Variants in ELOA2 observed in about 807,000 individuals in gnomAD.
The protein encoded by ELOA2 is elongin-A2.
For missense variants in ELOA2, 1,271 were observed against 979.7 expected, an observed-to-expected ratio of 1.30 and a Z score of -3.97; for synonymous variants, 497 against 398.8, an observed-to-expected ratio of 1.25 and a Z score of -2.94.
chr18:47,034,270 A>G lies in ELOA2; in HGVS notation c.995T>C (p.Leu332Pro). 1 of 1,613,960 alleles carries G rather than the reference A, an allele frequency of 6.2e-7. No homozygotes were observed. Among genetic ancestry groups the G allele is most frequent in the Admixed American group, 1.7e-5 (1 of 60,030 alleles). The change falls in exon 1 of 1, where the codon CTG (leucine) becomes CCG (proline). Residue 332 changes from leucine to proline, a missense_variant. Physicochemically the swap from Leu to Pro is moderately conservative, Grantham distance 98. Coordinates refer to ENST00000332567, the MANE Select transcript of ELOA2 (RefSeq NM_016427.3). ...GRDPGNGTHGLSPEEKEQLSN... is the reference protein window; with the variant it reads ...GRDPGNGTHGPSPEEKEQLSN... ...AAGCTGCTCTTTCTCCTCGGGCGAC[A>G]GGCCGTGTGTCCCATTTCCTGGGTC...
At position 47,034,649 on chromosome 18, in the gene ELOA2, G is replaced by A; in HGVS notation, c.616C>T (p.Leu206=). ...GHTHAAQGGP[L]LCPGCQGQPQ... ...TGGCCCTGGCAGCCTGGACACAGCA[G>A]AGGCCCGCCCTGAGCCGCGTGAGTG... The change falls in exon 1 of 1, where the codon CTG becomes TTG. Residue 206 remains leucine (L), a synonymous_variant. Coordinates refer to ENST00000332567, the MANE Select transcript of ELOA2 (RefSeq NM_016427.3). 6.2e-7 allele frequency: 1 copy of A among 1,613,914 alleles called. No homozygotes were observed. Among genetic ancestry groups the A allele is most frequent in the Non-Finnish European group, 8.5e-7 (1 of 1,179,964 alleles).
In ELOA2 at chr18:47,034,508, A is replaced by G. The variant is rs2060660551; in HGVS notation, c.757T>C (p.Ser253Pro). Reference sequence around the variant, plus strand: ...TCCTCTCTTAAGCAGGCCCCGCATGATTTCTCCCTGATCAAAGTAGGGGAG... The same window carrying G: ...TCCTCTCTTAAGCAGGCCCCGCATGGTTTCTCCCTGATCAAAGTAGGGGAG... ...WHSPTLIREK[S>P]CGACLREETP... The change falls in exon 1 of 1, where the codon TCA (serine) becomes CCA (proline). Residue 253 changes from serine (S) to proline (P), a missense_variant. By Grantham distance (74) the Ser-to-Pro change is moderately conservative (BLOSUM62 -1). Coordinates refer to ENST00000332567, the MANE Select transcript of ELOA2 (RefSeq NM_016427.3). 6 of 1,614,132 alleles carry G rather than the reference A, an allele frequency of 3.7e-6. No homozygotes were observed. Among genetic ancestry groups the G allele is most frequent in the Non-Finnish European group, 4.2e-6 (5 of 1,180,010 alleles).
In ELOA2 at chr18:47,034,657, C is replaced by T. The variant is rs750882006; in HGVS notation, c.608G>A (p.Gly203Asp). ...GCAGCCTGGACACAGCAGAGGCCCG[C>T]CCTGAGCCGCGTGAGTGTGGCCTCT... ...PGRGHTHAAQ[G>D]GPLLCPGCQG... The change falls in exon 1 of 1, where the codon GGC (glycine) becomes GAC (aspartate). Residue 203 changes from glycine to aspartate, a missense_variant. Coordinates refer to ENST00000332567, the MANE Select transcript of ELOA2 (RefSeq NM_016427.3). The T allele has an allele frequency of 1.9e-5, 30 of 1,613,626 alleles. No individual in the cohort carries two copies. The highest frequency in any genetic ancestry group is 1.7e-4 in the Middle Eastern group (1 of 5,892).
At position 47,032,673 on chromosome 18, in the gene ELOA2, A is replaced by AT; in HGVS notation, c.*329_*330insA. 5.1e-6 allele frequency: 2 copies of AT among 390,240 alleles called. No individual in the cohort carries two copies. Among genetic ancestry groups the AT allele is most frequent in the Non-Finnish European group, 9.1e-6 (2 of 218,716 alleles). The allele number at this position is 390,240 out of a possible 1,614,324, so 24.2% of individuals were successfully genotyped here. Reference sequence around the variant, plus strand: ...TATCTACTTGATTTCGAAAAAAAAAAGAAAGGAAAAAGGAAATCTCACATC... The same window carrying AT: ...TATCTACTTGATTTCGAAAAAAAAAATGAAAGGAAAAAGGAAATCTCACATC... On this transcript the variant is annotated 3_prime_UTR_variant, in exon 1 of 1. Transcript: ENST00000332567.
Position 47,035,555 on chromosome 18 carries a change from G to A in ELOA2, c.-291C>T, listed in dbSNP as rs955112167. ...CTGTGCAACAAAGAATGAAGCTCTG[G>A]TGCCAGAGCTGGGCCTTATGTAGCC... On this transcript the variant is annotated 5_prime_UTR_variant, in exon 1 of 1. Transcript: ENST00000332567. 3 of 622,818 alleles carry A rather than the reference G, an allele frequency of 4.8e-6. No individual in the cohort carries two copies. The highest frequency in any genetic ancestry group is 2.0e-5 in the South Asian group (1 of 49,404). The allele number at this position is 622,818 out of a possible 1,614,324, so 38.6% of individuals were successfully genotyped here.
chr18:47,033,755 G>A lies in ELOA2; in HGVS notation c.1510C>T (p.Pro504Ser). 1 of 1,614,186 alleles carries A rather than the reference G, an allele frequency of 6.2e-7. No individual in the cohort carries two copies. Among genetic ancestry groups the A allele is most frequent in the Non-Finnish European group, 8.5e-7 (1 of 1,180,042 alleles). Residue 504 changes from proline (P) to serine (S), a missense_variant, in exon 1 of 1, where the codon CCT becomes TCT. Coordinates refer to ENST00000332567, the MANE Select transcript of ELOA2 (RefSeq NM_016427.3). ...SPKFREEAAF[P>S]GRRVNAKMPV... ...ATCTTAGCATTCACTCTGCGTCCAGGGAAAGCAGCTTCCTCCCGGAACTTT... is the reference window on the plus strand; with the variant it reads ...ATCTTAGCATTCACTCTGCGTCCAGAGAAAGCAGCTTCCTCCCGGAACTTT...
In ELOA2 at chr18:47,033,034, C is replaced by T. The variant is rs774453041; in HGVS notation, c.2231G>A (p.Arg744Gln). 8 of 1,614,140 alleles carry T rather than the reference C, an allele frequency of 5.0e-6. No individual in the cohort carries two copies. The highest frequency in any genetic ancestry group is 2.2e-5 in the East Asian group (1 of 44,880). Reference protein sequence around the residue: ...KVAPLMAKAIRDYKRRFSRR With the variant: ...KVAPLMAKAIQDYKRRFSRR ...TCGGGAGAATCTTCTCTTGTAGTCT[C>T]GAATTGCCTTGGCCATCAGCGGGGC... Residue 744 changes from arginine to glutamine, a missense_variant, in exon 1 of 1, where the codon CGA becomes CAA. Transcript: ENST00000332567.
At position 47,035,210 on chromosome 18, in the gene ELOA2, C is replaced by T. The variant is rs1461690709; in HGVS notation, c.55G>A (p.Ala19Thr). The change falls in exon 1 of 1, where the codon GCC (alanine) becomes ACC (threonine). Residue 19 changes from alanine (A) to threonine (T), a missense_variant. By Grantham distance (58) the Ala-to-Thr change is moderately conservative. Coordinates refer to ENST00000332567, the MANE Select transcript of ELOA2 (RefSeq NM_016427.3). ...AGCTTTTTCGGCTCCGTCTTAGTGG[C>T]CAGACGCACCTGCAGCTTCTCCACT... Reference protein sequence around the residue: ...HAVEKLQVRLATKTEPKKLEK... With the variant: ...HAVEKLQVRLTTKTEPKKLEK... 1 of 1,612,604 alleles carries T rather than the reference C, an allele frequency of 6.2e-7. No homozygotes were observed. The highest frequency in any genetic ancestry group is 1.3e-5 in the African/African-American group (1 of 74,882).
Position 47,034,362 on chromosome 18 carries a change from T to A in ELOA2, c.903A>T (p.Pro301=). ...GQRVPALEEA[P]DSHQKRPQHS... The stretch of plus-strand genomic sequence containing the variant: ...GCTGAGGCCTCTTCTGGTGACTGTC[T>A]GGAGCCTCCTCCAAGGCAGGGACAC... The change falls in exon 1 of 1, where the codon CCA becomes CCT. Residue 301 remains proline, a synonymous_variant. Transcript: ENST00000332567. 1 of 1,614,006 alleles carries A rather than the reference T, an allele frequency of 6.2e-7. No homozygotes were observed. Among genetic ancestry groups the A allele is most frequent in the Non-Finnish European group, 8.5e-7 (1 of 1,179,998 alleles).
At position 47,033,139 on chromosome 18, in the gene ELOA2, C is replaced by T. The variant is rs759800111; in HGVS notation, c.2126G>A (p.Arg709Gln). The change falls in exon 1 of 1, where the codon CGG becomes CAG. Residue 709 changes from arginine to glutamine, a missense_variant. Transcript: ENST00000332567. ...GCTGCTGCTCAGGCAGGGGTTGGCC[C>T]GCTTCTCAGGGAGCCAGCGAAGGAT... is the stretch of plus-strand genomic sequence containing the variant. ...SSILRWLPEK[R>Q]ANPCLSSSNE... The T allele has an allele frequency of 7.4e-6, 12 of 1,613,938 alleles. No homozygotes were observed. The highest frequency in any genetic ancestry group is 4.0e-5 in the African/African-American group (3 of 74,878).
Position 47,033,805 on chromosome 18 carries a change from G to A in ELOA2, c.1460C>T (p.Ala487Val). The stretch of plus-strand genomic sequence containing the variant: ...TGGTGAAGAGAGTGCTTCTGGCTTT[G>A]CCTGGGAGGTCATGGAGTCAGAATC... ...LSDSDSMTSQ[A>V]KPEALSSPKF... is the part of the protein sequence containing the mutation. Residue 487 changes from alanine to valine, a missense_variant, in exon 1 of 1, where the codon GCA (alanine) becomes GTA (valine). By Grantham distance (64) the Ala-to-Val change is moderately conservative (BLOSUM62 0). Transcript: ENST00000332567. The A allele has an allele frequency of 1.2e-6, 2 of 1,614,188 alleles. No individual in the cohort carries two copies. Among genetic ancestry groups the A allele is most frequent in the South Asian group, 2.2e-5 (2 of 91,080 alleles).
At position 47,033,636 on chromosome 18, in the gene ELOA2, G is replaced by T; in HGVS notation, c.1629C>A (p.Ala543=). ...AGGGGACCTCTCCCACGTCGCTGAG[G>T]GCGTCCGGATTGTTTCTAAGCACCT... ...CAQVLRNNPD[A]LSDVGEVPYW... Residue 543 remains alanine (A), a synonymous_variant, in exon 1 of 1, where the codon GCC becomes GCA. Coordinates refer to ENST00000332567, the MANE Select transcript of ELOA2 (RefSeq NM_016427.3). The T allele has an allele frequency of 6.2e-7, 1 of 1,614,186 alleles. No individual in the cohort carries two copies. Among genetic ancestry groups the T allele is most frequent in the Non-Finnish European group, 8.5e-7 (1 of 1,180,040 alleles).
rs774743457 is a variant in ELOA2 at position 47,034,292 on chromosome 18, G to T, written c.973C>A (p.Pro325Thr). 3.7e-6 allele frequency: 6 copies of T among 1,613,576 alleles called. No individual in the cohort carries two copies. Among genetic ancestry groups the T allele is most frequent in the Admixed American group, 1.7e-5 (1 of 60,012 alleles). The stretch of plus-strand genomic sequence containing the variant: ...GACAGGCCGTGTGTCCCATTTCCTG[G>T]GTCCCGGCCGTCTAGACTGGGCCTC... ...KKRPSLDGRD[P>T]GNGTHGLSPE... The change falls in exon 1 of 1, where the codon CCA becomes ACA. Residue 325 changes from proline to threonine, a missense_variant. By Grantham distance (38) the Pro-to-Thr change is conservative. Coordinates refer to ENST00000332567, the MANE Select transcript of ELOA2 (RefSeq NM_016427.3).
At position 47,032,563 on chromosome 18, in the gene ELOA2, A is replaced by G. The variant is rs1049372548; in HGVS notation, c.*440T>C. The stretch of plus-strand genomic sequence containing the variant: ...TGCTCAGCCTTTTATTAAAACAACA[A>G]CAACGGCAGCAACAGCAAACATTTT... On this transcript the variant is annotated 3_prime_UTR_variant, in exon 1 of 1. Transcript: ENST00000332567. 1.1e-4 allele frequency: 23 copies of G among 215,260 alleles called. No individual in the cohort carries two copies. Among genetic ancestry groups the G allele is most frequent in the Non-Finnish European group, 2.1e-4 (23 of 107,896 alleles). The allele number at this position is 215,260 out of a possible 1,614,324, so 13.3% of individuals were successfully genotyped here.
Position 47,034,255 on chromosome 18 carries a change from T to G in ELOA2, c.1010A>C (p.Lys337Thr). Residue 337 changes from lysine to threonine, a missense_variant, in exon 1 of 1, where the codon AAA becomes ACA. Coordinates refer to ENST00000332567, the MANE Select transcript of ELOA2 (RefSeq NM_016427.3). Reference sequence around the variant, plus strand: ...CTCTCGGTCGTTGGAAAGCTGCTCTTTCTCCTCGGGCGACAGGCCGTGTGT... The same window carrying G: ...CTCTCGGTCGTTGGAAAGCTGCTCTGTCTCCTCGGGCGACAGGCCGTGTGT... ...NGTHGLSPEE[K>T]EQLSNDRETQ... 6.2e-7 allele frequency: 1 copy of G among 1,614,036 alleles called. No individual in the cohort carries two copies. Among genetic ancestry groups the G allele is most frequent in the Non-Finnish European group, 8.5e-7 (1 of 1,179,844 alleles).
rs201039150 is a variant in ELOA2 at position 47,033,629 on chromosome 18, C to T, written c.1636G>A (p.Asp546Asn). Reference sequence around the variant, plus strand: ...ACCCAGTAGGGGACCTCTCCCACGTCGCTGAGGGCGTCCGGATTGTTTCTA... The same window carrying T: ...ACCCAGTAGGGGACCTCTCCCACGTTGCTGAGGGCGTCCGGATTGTTTCTA... ...VLRNNPDALS[D>N]VGEVPYWVLE... Residue 546 changes from aspartate to asparagine, a missense_variant, in exon 1 of 1, where the codon GAC becomes AAC. Transcript: ENST00000332567. 1.9e-6 allele frequency: 3 copies of T among 1,614,194 alleles called. No individual in the cohort carries two copies. The highest frequency in any genetic ancestry group is 1.3e-5 in the African/African-American group (1 of 75,050).
chr18:47,035,215 C>G lies in ELOA2; in HGVS notation c.50G>C (p.Arg17Pro). The G allele has an allele frequency of 6.2e-7, 1 of 1,612,732 alleles. No individual in the cohort carries two copies. The highest frequency in any genetic ancestry group is 1.3e-5 in the African/African-American group (1 of 75,014). The change falls in exon 1 of 1, where the codon CGT becomes CCT. Residue 17 changes from arginine (R) to proline (P), a missense_variant. Transcript: ENST00000332567. ...TLHAVEKLQV[R>P]LATKTEPKKL... ...TTTCGGCTCCGTCTTAGTGGCCAGA[C>G]GCACCTGCAGCTTCTCCACTGCGTG...
the ELOA2 span, chr18:47,034,619 G>A: frequency 1.2e-6 from 2 of 1,614,130 alleles, no homozygotes; most frequent in Non-Finnish European, 1.7e-6. Flanking sequence ...GCTTTCCCCT[G>A]GGGTTGGCCC....
Position 47,034,791 on chromosome 18 carries a change from G to A in ELOA2, c.474C>T (p.Pro158=), listed in dbSNP as rs761478370. 1 of 1,612,442 alleles carries A rather than the reference G, an allele frequency of 6.2e-7. No homozygotes were observed. ...GGCCGGAATCAGCTGGGGCTATTCT[G>A]GGGCACTTTCTCTCAGCTCTGGGCT... ...SREPRAERKC[P]RIAPADSGRY... is the part of the protein sequence containing the mutation. The change falls in exon 1 of 1, where the codon CCC becomes CCT. Residue 158 remains proline (P), a synonymous_variant. Coordinates refer to ENST00000332567, the MANE Select transcript of ELOA2 (RefSeq NM_016427.3).
Sources: allele counts gnomAD v4.1 joint callset, GRCh38; gene constraint gnomAD v4.1.1; transcripts MANE v1.5; gene names NCBI Gene and HGNC (gene_info 2026-07-23, HGNC 2026-07-21).